Variants in CACNA1B observed in about 807,000 individuals in gnomAD.
The protein encoded by CACNA1B is voltage-dependent N-type calcium channel subunit alpha-1B.
A neutral mutation model predicts 247.2 loss-of-function variants in CACNA1B; 70 were observed. That is an observed-to-expected ratio of 0.28 (90% CI 0.23 to 0.35). The LOEUF (loss-of-function observed/expected upper bound fraction) is 0.35. CACNA1B is among the 10% of genes least tolerant of loss of function. The pLI is 1.00. For missense variants in CACNA1B, 2,367 were observed against 3,197.4 expected, an observed-to-expected ratio of 0.74 and a Z score of 6.26; for synonymous variants, 1,231 against 1,294.4, an observed-to-expected ratio of 0.95 and a Z score of 1.05.
At chr9:138,079,067 C>T (rs929405929) in intron 36 of CACNA1B, among the ~76,000 whole-genome samples, 3 of 152,162 alleles carry the variant, frequency 2.0e-5, no homozygotes, top group Non-Finnish European at 4.4e-5. Flanking sequence ...TTTGCTGGAT[C>T]CCTGTTAATG....
intron 31 of CACNA1B, among the ~76,000 whole-genome samples, chr9:138,060,270 C>T (rs1353592861): frequency 2.0e-5 from 3 of 152,186 alleles, no homozygotes; most frequent in Non-Finnish European, 2.9e-5. Context: ...TCTTTGAGTA[C>T]AACACATTAC....
At chr9:137,991,044 A>G (rs1958426516) in intron 15 of CACNA1B, among the ~76,000 whole-genome samples, 1 of 152,226 alleles carries the variant, frequency 6.6e-6, no homozygotes, top group African/African-American at 2.4e-5. Context: ...AAACACCCCC[A>G]GAAGATCACA....
At chr9:137,926,047 C>T (rs1441167209) in intron 6 of CACNA1B, among the ~76,000 whole-genome samples, 1 of 146,308 alleles carries the variant, frequency 6.8e-6, no homozygotes. Context: ...AGCCACTGTA[C>T]CTGGCTTCCT....
Position 138,023,657 on chromosome 9 carries a change from G to C in CACNA1B, c.2914G>C (p.Gly972Arg), listed in dbSNP as rs1260540391. Residue 972 changes from glycine (G) to arginine (R), a missense_variant, in exon 19 of 47, where the codon GGG becomes CGG. Around this residue, in one of 12 missense-constraint regions of CACNA1B, gnomAD observed 631 missense variants for 631.1 expected, o/e 1.00. Transcript: ENST00000371372. Reference sequence around the variant, plus strand: ...AGCGGGGCCCCGGGAGGCGGAGAGCGGGGAGGAGCCGGCGCGGCGGCACCG... The same window carrying C: ...AGCGGGGCCCCGGGAGGCGGAGAGCCGGGAGGAGCCGGCGCGGCGGCACCG... ...PRAGPREAES[G>R]EEPARRHRAR... is the part of the protein sequence containing the mutation. The C allele has an allele frequency of 6.8e-7, 1 of 1,480,642 alleles. No individual in the cohort carries two copies. The highest frequency in any genetic ancestry group is 2.3e-4 in the Middle Eastern group (1 of 4,382). 91.7% of individuals were successfully genotyped at this position (1,480,642 alleles called of 1,614,324 possible). A position where few individuals can be genotyped will look rare whatever the true frequency, so the allele number is the denominator to read the frequency against.
chr9:138,016,767 G>C (rs1353169054), intron 18 of CACNA1B, among the ~76,000 whole-genome samples: 1 of 152,208 alleles, frequency 6.6e-6, no homozygotes, highest in Non-Finnish European at 1.5e-5. Context: ...GCCTCCCGCC[G>C]CAGGGTGCAG....
Position 137,894,569 on chromosome 9 carries a change from C to T in CACNA1B, c.530+11686C>T, listed in dbSNP as rs142239123. ...GACTGCAGGCGCCCGCCACCACGCC[C>T]GGCTCATTTTTTGTATTTTTAGTAG... On this transcript the variant is annotated intron_variant, in intron 3 of 46. Transcript: ENST00000371372. Among the ~76,000 whole-genome samples, 713 of 152,024 alleles carry T rather than the reference C, an allele frequency of 4.7e-3. 9 individuals are homozygous for T. The highest frequency in any genetic ancestry group is 0.04 in the East Asian group (206 of 5,178).
At chr9:137,978,191 G>GC (rs369971150) in intron 12 of CACNA1B, among the ~76,000 whole-genome samples, 2,186 of 113,816 alleles carry the variant, frequency 0.019, 73 homozygotes, top group East Asian at 0.065. Context: ...TGGGAGCATT[G>GC]CCCCCCCCCA....
At chr9:137,926,068 C>CT (rs71387875) in intron 6 of CACNA1B, among the ~76,000 whole-genome samples, 55,744 of 105,228 alleles carry the variant, frequency 0.53, 17,000 homozygotes, top group Non-Finnish European at 0.66. Flanking sequence ...TTTTTCCTTT[C>CT]TTTTTTTTTT....
chr9:138,121,953 G>A lies in CACNA1B; in HGVS notation c.6974G>A (p.Arg2325Gln), dbSNP rs767110355. Reference sequence around the variant, plus strand: ...ACCCTGGGACTCAGCTCGGGTGGCCGAGCACGGCACAGCTACCACCACCCT... The same window carrying A: ...ACCCTGGGACTCAGCTCGGGTGGCCAAGCACGGCACAGCTACCACCACCCT... ...HCTLGLSSGG[R>Q]ARHSYHHPDQ... Residue 2325 changes from arginine to glutamine, a missense_variant, in exon 47 of 47, where the codon CGA becomes CAA. By Grantham distance (43) the Arg-to-Gln change is conservative. Transcript: ENST00000371372. The surrounding 1 kb of genome is among the most constrained non-coding windows in gnomAD (Gnocchi z 6.8). The A allele has an allele frequency of 9.3e-6, 15 of 1,604,320 alleles. No homozygotes were observed. The highest frequency in any genetic ancestry group is 2.2e-5 in the South Asian group (2 of 91,084).
rs1958670146 is a variant in CACNA1B at position 138,007,687 on chromosome 9, C to T, written c.2092+803C>T. Among the ~76,000 whole-genome samples the T allele has an allele frequency of 6.6e-6, 1 of 152,166 alleles. No individual in the cohort carries two copies. Among genetic ancestry groups the T allele is most frequent in the Admixed American group, 6.5e-5 (1 of 15,284 alleles). On this transcript the variant is annotated intron_variant, in intron 16 of 46. Coordinates refer to ENST00000371372, the MANE Select transcript of CACNA1B (RefSeq NM_000718.4). The surrounding 1 kb of genome is among the most constrained non-coding windows in gnomAD (Gnocchi z 4.1). ...TGGGGCCTGAGAATGTGCATTCTCA[C>T]AGGCTGCAGGGGGAGCCCGTGTTTC...
chr9:138,008,229 C>T (rs1474980048), intron 16 of CACNA1B, among the ~76,000 whole-genome samples: 2 of 152,218 alleles, frequency 1.3e-5, no homozygotes, highest in Admixed American at 6.5e-5. Flanking sequence ...GACAGGACAG[C>T]GGTGTCCAGA....
Position 138,050,484 on chromosome 9 carries a change from G to C in CACNA1B, c.3710+1169G>C, listed in dbSNP as rs1869961. Among the ~76,000 whole-genome samples the C allele has an allele frequency of 0.23, 35,118 of 152,124 alleles. 4,326 individuals carry two copies. The highest frequency in any genetic ancestry group is 0.46 in the East Asian group (2,348 of 5,150). Reference sequence around the variant, plus strand: ...CTGGAAGAGCGGCATTCTTTCCTCTGTTTCCTCTCCACTCCAGCCCCCTGC... The same window carrying C: ...CTGGAAGAGCGGCATTCTTTCCTCTCTTTCCTCTCCACTCCAGCCCCCTGC... On this transcript the variant is annotated intron_variant, in intron 24 of 46. Coordinates refer to ENST00000371372, the MANE Select transcript of CACNA1B (RefSeq NM_000718.4). This position sits in a 1 kb window ranked among gnomAD's most constrained non-coding sequence, Gnocchi z 5.2.
rs1281347318 is a variant in CACNA1B at position 137,974,347 on chromosome 9, G to A, written c.1544-1560G>A. Among the ~76,000 whole-genome samples, 1 of 152,186 alleles carries A rather than the reference G, an allele frequency of 6.6e-6. No individual in the cohort carries two copies. Among genetic ancestry groups the A allele is most frequent in the East Asian group, 1.9e-4 (1 of 5,196 alleles). On this transcript the variant is annotated intron_variant, in intron 11 of 46. Coordinates refer to ENST00000371372, the MANE Select transcript of CACNA1B (RefSeq NM_000718.4). This position sits in a 1 kb window ranked among gnomAD's most constrained non-coding sequence, Gnocchi z 4.5. ...TCGGCTTCTCCAGGGACACTGCTTG[G>A]CCTTGTTATCATCCCATGCTTAGCT...
chr9:138,014,700 GTGT>G lies in CACNA1B; in HGVS notation c.2267+1470_2267+1472del, dbSNP rs963187279. Among the ~76,000 whole-genome samples the G allele has an allele frequency of 2.0e-5, 3 of 152,082 alleles. No homozygotes were observed. Among genetic ancestry groups the G allele is most frequent in the African/African-American group, 7.2e-5 (3 of 41,406 alleles). ...CAGCTCCTGGCCTCGCGCAGGCCTC[GTGT>G]TGTTCTCCTGAAGACTTGCCTTCTC... On this transcript the variant is annotated intron_variant, in intron 18 of 46. Transcript: ENST00000371372. The surrounding 1 kb of genome is among the most constrained non-coding windows in gnomAD (Gnocchi z 6.2).
At chr9:138,108,739 C>T (rs1961524178) in intron 39 of CACNA1B, among the ~76,000 whole-genome samples, 1 of 151,986 alleles carries the variant, frequency 6.6e-6, no homozygotes, top group South Asian at 2.1e-4. Flanking sequence ...AGCTCTGCCT[C>T]CTGGGTTCAC....
chr9:138,110,059 G>GA (rs749241608), intron 39 of CACNA1B, among the ~76,000 whole-genome samples: 3 of 151,382 alleles, frequency 2.0e-5, no homozygotes, highest in African/African-American at 4.9e-5. Flanking sequence ...ATCTCAAATG[G>GA]AAAAAATCGA....
In CACNA1B at chr9:138,057,858, A is replaced by G; in HGVS notation, c.4095A>G (p.Glu1365=). The G allele has an allele frequency of 3.7e-6, 6 of 1,603,674 alleles. No individual in the cohort carries two copies. The highest frequency in any genetic ancestry group is 5.1e-6 in the Non-Finnish European group (6 of 1,171,612). ...LLTLFTVSTG[E]GWPMVLKHSV... is the part of the protein sequence containing the mutation. ...CGCTGTTCACAGTGTCCACGGGAGAAGGCTGGCCCATGTGAGTGCTCATCC... is the reference window on the plus strand; with the variant it reads ...CGCTGTTCACAGTGTCCACGGGAGAGGGCTGGCCCATGTGAGTGCTCATCC... The change falls in exon 27 of 47, where the codon GAA becomes GAG. Residue 1365 remains glutamate, a synonymous_variant. Coordinates refer to ENST00000371372, the MANE Select transcript of CACNA1B (RefSeq NM_000718.4). The surrounding 1 kb of genome is among the most constrained non-coding windows in gnomAD (Gnocchi z 4.0).
chr9:138,017,475 C>T (rs868383650), intron 18 of CACNA1B, among the ~76,000 whole-genome samples: 4 of 152,202 alleles, frequency 2.6e-5, no homozygotes, highest in South Asian at 2.1e-4. Flanking sequence ...CCGCTCACTC[C>T]GGTGTCTCGA....
At chr9:137,939,471 G>T (rs1957706468) in intron 6 of CACNA1B, among the ~76,000 whole-genome samples, 1 of 152,032 alleles carries the variant, frequency 6.6e-6, no homozygotes, top group African/African-American at 2.4e-5. Context: ...TGATCATTGG[G>T]TCAAAAAATG....
Sources: allele counts gnomAD v4.1 joint callset (sites outside exome capture counted in the v4.1 genomes callset), GRCh38; gene constraint gnomAD v4.1.1; regional missense constraint gnomAD v4.1.1; non-coding constraint Gnocchi (gnomAD v3.1); transcripts MANE v1.5; gene names NCBI Gene and HGNC (gene_info 2026-07-23, HGNC 2026-07-21).